Variants in CYP2A7 observed in about 807,000 individuals in gnomAD.
CYP2A7 encodes cytochrome P450 family 2 subfamily A member 7, also known as cytochrome P450 2A7.
CYP2A7 carries 36 observed loss-of-function variants against 42.0 expected under a neutral mutation model. The ratio of observed to expected loss-of-function variants is 0.86; its 90% CI spans 0.66 to 1.13. The LOEUF is 1.13. Ranked by LOEUF, CYP2A7 falls within the 50% of genes most tolerant of loss-of-function variation. The pLI, the probability that CYP2A7 is intolerant of heterozygous loss-of-function variation, is 0.00. For missense variants in CYP2A7, 661 were observed against 634.1 expected (o/e 1.04, Z -0.46); for synonymous variants, 260 against 249.5 (o/e 1.04, Z -0.40).
At chr19:40,876,464 G>C in intron 8 of CYP2A7, 63 bp downstream of exon 8, 7 of 1,610,210 alleles carry the variant, frequency 4.3e-6, no homozygotes, top group Non-Finnish European at 1.7e-6. Context: ...AGAGAGGGGA[G>C]GTGGGTGAGG....
chr19:40,880,090 C>G lies in CYP2A7; in HGVS notation c.648G>C (p.Thr216=), dbSNP rs776149961. The G allele has an allele frequency of 5.0e-6, 8 of 1,612,608 alleles. No individual in the cohort carries two copies. In the African/African-American group the frequency reaches 5.3e-5, roughly 11 times the overall value. ...LGIFQFTSTS[T]GQLYEMFSSV... Reference sequence around the variant, plus strand: ...CCGGGCTGCAGCCAGTTACCTGCCCCGTGGAGGTTGACGTGAACTGGAAGA... The same window carrying G: ...CCGGGCTGCAGCCAGTTACCTGCCCGGTGGAGGTTGACGTGAACTGGAAGA... The change falls in exon 4 of 9, where the codon ACG becomes ACC. Residue 216 remains threonine (T), a synonymous_variant. Transcript: ENST00000301146.
Position 40,880,406 on chromosome 19 carries a change from G to A in CYP2A7, c.493+73C>T, listed in dbSNP as rs1488988733. On this transcript the variant is annotated intron_variant, in intron 3 of 8. Coordinates refer to ENST00000301146, the MANE Select transcript of CYP2A7 (RefSeq NM_000764.3). ...TTCCCCACCTAGTCCCCATCCGCAG[G>A]CAGAACGCGCGCGGGTTCCTCGTCC... 33 of 1,574,008 alleles carry A rather than the reference G, an allele frequency of 2.1e-5. No homozygotes were observed. In the African/African-American group the frequency reaches 4.2e-4, roughly 20 times the overall value.
rs1346716305 is a variant in CYP2A7, at chr19:40,880,568, AG to A, written c.403del (p.Leu135Ter). The A allele has an allele frequency of 1.2e-6, 2 of 1,609,638 alleles. No homozygotes were observed. Among genetic ancestry groups the A allele is most frequent in the Admixed American group, 3.4e-5 (2 of 59,554 alleles). On this transcript the variant is annotated frameshift_variant, in exon 3 of 9. Coordinates refer to ENST00000301146, the MANE Select transcript of CYP2A7 (RefSeq NM_000764.3). LOFTEE classifies it high-confidence loss of function. ...TCGCTTGCCCACCCCGAAGTCCCTC[AG>A]GGTGGCGATGGCAAAGCGCAGGAGC... ...KQLLRFAIATLRDFGVGKRGI... is the reference protein window; with the variant it reads ...KQLLRFAIATXRDFGVGKRGI...
rs879727705 is a variant in CYP2A7, at chr19:40,878,238, G to GT, written c.832-246dup. On this transcript the variant is annotated intron_variant, in intron 5 of 8. Transcript: ENST00000301146. Reference sequence around the variant, plus strand: ...CCTTTAATTATCAACTTAGCTGTCAGTTTTTTTTTTCTTACACTGACTTGG... The same window carrying GT: ...CCTTTAATTATCAACTTAGCTGTCAGTTTTTTTTTTTCTTACACTGACTTGG... Among the ~76,000 whole-genome samples the GT allele has an allele frequency of 8.4e-3, 1,256 of 149,376 alleles. 25 individuals are homozygous for GT. Among genetic ancestry groups the GT allele is most frequent in the African/African-American group, 0.028 (1,150 of 40,922 alleles).
Position 40,880,496 on chromosome 19 carries a change from G to C in CYP2A7, c.476C>G (p.Ala159Gly), listed in dbSNP as rs1346216233. The C allele has an allele frequency of 2.5e-6, 4 of 1,612,630 alleles. No homozygotes were observed. In the South Asian group the frequency reaches 3.3e-5, roughly 13 times the overall value. ...IQEESGFLIE[A>G]IRSTHGANID... ...TTACTCACCGTGCGTGCTCCGGATG[G>C]CCTCGATGAGGAAGCCCGACTCCTC... Residue 159 changes from alanine (A) to glycine (G), a missense_variant, in exon 3 of 9, where the codon GCC becomes GGC. By Grantham distance (60) the Ala-to-Gly change is moderately conservative. This residue lies in a region of CYP2A7 where 614 missense variants were observed against 552.4 expected (regional missense o/e 1.11). Transcript: ENST00000301146.
At chr19:40,877,644 A>G (rs1364612864) in intron 6 of CYP2A7, among the ~76,000 whole-genome samples, 2 of 151,516 alleles carry the variant, frequency 1.3e-5, no homozygotes, top group Non-Finnish European at 3.0e-5. Context: ...CTTGGGACAG[A>G]AGTGACTGAC....
In CYP2A7 at chr19:40,878,043, G is replaced by A. The variant is rs759725059; in HGVS notation, c.832-50C>T. 1.8e-5 allele frequency: 29 copies of A among 1,574,192 alleles called. 2 individuals carry two copies. Among genetic ancestry groups the A allele is most frequent in the Non-Finnish European group, 2.2e-5 (25 of 1,157,822 alleles). On this transcript the variant is annotated intron_variant, in intron 5 of 8. Coordinates refer to ENST00000301146, the MANE Select transcript of CYP2A7 (RefSeq NM_000764.3). ...CAACCTCACTCCTCTTGCCCTCAGG[G>A]CCCTTCTAGGGCTTTTCCTTTGGAT...
At chr19:40,880,883 A>G (rs1355672514) in intron 2 of CYP2A7, among the ~76,000 whole-genome samples, 1 of 147,766 alleles carries the variant, frequency 6.8e-6, no homozygotes, top group Non-Finnish European at 1.5e-5. Flanking sequence ...AGAATAAGAG[A>G]ATCAGAAGAG....
At position 40,875,609 on chromosome 19, in the gene CYP2A7, T is replaced by C. The variant is rs1272129518; in HGVS notation, c.*84A>G. 46 of 1,600,920 alleles carry C rather than the reference T, an allele frequency of 2.9e-5. 1 individual carries two copies. Among genetic ancestry groups the C allele is most frequent in the Non-Finnish European group, 3.8e-5 (45 of 1,171,572 alleles). On this transcript the variant is annotated 3_prime_UTR_variant, in exon 9 of 9. Coordinates refer to ENST00000301146, the MANE Select transcript of CYP2A7 (RefSeq NM_000764.3). ...CTTTCCCGCATCTTCCCCCCATTCT[T>C]ATACCCGCCTCTTCCGCGAACCCCG... is the stretch of plus-strand genomic sequence containing the variant.
chr19:40,880,798 G>GCACGA lies in CYP2A7; in HGVS notation c.344-171_344-170insTCGTG, dbSNP rs1568527904. 3.3e-4 allele frequency among the ~76,000 whole-genome samples: 9 copies of GCACGA among 27,420 alleles called. 2 individuals are homozygous for GCACGA. Among genetic ancestry groups the GCACGA allele is most frequent in the Non-Finnish European group, 5.5e-4 (8 of 14,600 alleles). 18.0% of individuals were successfully genotyped at this position (27,420 alleles called of 152,430 possible). A position where few individuals can be genotyped will look rare whatever the true frequency, so the allele number is the denominator to read the frequency against. ...GCAAACTCAGTCAGAGAAACACGAG[G>GCACGA]GAGAGAGAGAGAGAGAGAGAGAGAG... On this transcript the variant is annotated intron_variant, in intron 2 of 8. Transcript: ENST00000301146.
At chr19:40,880,416 C>G in intron 3 of CYP2A7, 63 bp downstream of exon 3, 1 of 1,581,930 alleles carries the variant, frequency 6.3e-7, no homozygotes, top group Non-Finnish European at 8.6e-7. Context: ...GCAGAACGCG[C>G]GCGGGTTCCT....
rs1236059803 is a variant in CYP2A7 at position 40,880,511 on chromosome 19, C to T, written c.461G>A (p.Gly154Asp). 3.1e-6 allele frequency: 5 copies of T among 1,612,348 alleles called. No homozygotes were observed. The highest frequency in any genetic ancestry group is 4.2e-6 in the Non-Finnish European group (5 of 1,178,994). The change falls in exon 3 of 9, where the codon GGC becomes GAC. Residue 154 changes from glycine (G) to aspartate (D), a missense_variant. Physicochemically the swap from Gly to Asp is moderately conservative, Grantham distance 94. Around this residue, in one of 3 missense-constraint regions of CYP2A7, gnomAD observed 614 missense variants for 552.4 expected, o/e 1.11. Coordinates refer to ENST00000301146, the MANE Select transcript of CYP2A7 (RefSeq NM_000764.3). ...GIEERIQEESGFLIEAIRSTH... is the reference protein window; with the variant it reads ...GIEERIQEESDFLIEAIRSTH... ...GCTCCGGATGGCCTCGATGAGGAAG[C>T]CCGACTCCTCCTGGATGCGCTCCTC...
At chr19:40,879,793 T>G (rs560689819) in intron 4 of CYP2A7, among the ~76,000 whole-genome samples, 1 of 150,890 alleles carries the variant, frequency 6.6e-6, no homozygotes, top group Admixed American at 6.6e-5. Context: ...GTAGGGAGCA[T>G]CTGTTAGAAA....
intron 4 of CYP2A7, 107 bp from the exon 5 acceptor site, chr19:40,879,043 T>A (rs1967600295): frequency 6.8e-7 from 1 of 1,465,550 alleles, no homozygotes; most frequent in African/African-American, 1.4e-5. Flanking sequence ...GTTAAAGGCA[T>A]CTGTCTCATT....
chr19:40,877,172 G>T lies in CYP2A7; in HGVS notation c.1161+18C>A, dbSNP rs1967552441. ...GGGCTGGAAGTCCCCGTAGTCTAGGGGGTGGGGAGGATAGCACCTTAGGGA... is the reference window on the plus strand; with the variant it reads ...GGGCTGGAAGTCCCCGTAGTCTAGGTGGTGGGGAGGATAGCACCTTAGGGA... On this transcript the variant is annotated intron_variant, in intron 7 of 8. Coordinates refer to ENST00000301146, the MANE Select transcript of CYP2A7 (RefSeq NM_000764.3). The T allele has an allele frequency of 1.9e-6, 3 of 1,611,306 alleles. No homozygotes were observed. The highest frequency in any genetic ancestry group is 1.7e-6 in the Non-Finnish European group (2 of 1,177,936).
intron 7 of CYP2A7, 181 bp from the exon 8 acceptor site, chr19:40,876,849 T>C: frequency 1.1e-6 from 1 of 885,646 alleles, no homozygotes; most frequent in South Asian, 1.8e-5. Flanking sequence ...AAACAGGAAG[T>C]TTGGGAGACA....
Position 40,877,246 on chromosome 19 carries a change from T to G in CYP2A7, c.1105A>C (p.Ser369Arg). 1 of 1,612,676 alleles carries G rather than the reference T, an allele frequency of 6.2e-7. No individual in the cohort carries two copies. Among genetic ancestry groups the G allele is most frequent in the Non-Finnish European group, 8.5e-7 (1 of 1,179,168 alleles). ...IQRFGDVIPM[S>R]LARRVKKDTK... ...TCCTTTTTAACCCTGCGGGCCAAAC[T>G]CATGGGGATCACGTCTCCAAATCTT... The change falls in exon 7 of 9, where the codon AGT becomes CGT. Residue 369 changes from serine (S) to arginine (R), a missense_variant. Around this residue, in one of 3 missense-constraint regions of CYP2A7, gnomAD observed 614 missense variants for 552.4 expected, o/e 1.11. Coordinates refer to ENST00000301146, the MANE Select transcript of CYP2A7 (RefSeq NM_000764.3).
rs774855634 is a variant in CYP2A7 at position 40,880,664 on chromosome 19, G to T, written c.344-36C>A. 5.0e-6 allele frequency: 8 copies of T among 1,588,060 alleles called. 1 individual carries two copies. The highest frequency in any genetic ancestry group is 6.9e-6 in the Non-Finnish European group (8 of 1,165,316). On this transcript the variant is annotated intron_variant, in intron 2 of 8. Transcript: ENST00000301146. ...CAAGGCGGGGGTGGAGAGAGGTCAG[G>T]GGGCGGCGGTGGCAGGAGCGGACCA...
At position 40,880,557 on chromosome 19, in the gene CYP2A7, C is replaced by A; in HGVS notation, c.415G>T (p.Gly139Trp). ...RFAIATLRDF[G>W]VGKRGIEERI... ...TCCTCGATGCCTCGCTTGCCCACCC[C>A]GAAGTCCCTCAGGGTGGCGATGGCA... Residue 139 changes from glycine to tryptophan, a missense_variant, in exon 3 of 9, where the codon GGG (glycine) becomes TGG (tryptophan). Physicochemically the swap from Gly to Trp is radical, Grantham distance 184 (BLOSUM62 -2). This residue lies in a region of CYP2A7 where 614 missense variants were observed against 552.4 expected (regional missense o/e 1.11). Transcript: ENST00000301146. 4 of 1,611,418 alleles carry A rather than the reference C, an allele frequency of 2.5e-6. No homozygotes were observed. The highest frequency in any genetic ancestry group is 1.7e-6 in the Non-Finnish European group (2 of 1,178,502).
Sources: allele counts gnomAD v4.1 joint callset (sites outside exome capture counted in the v4.1 genomes callset), GRCh38; gene constraint gnomAD v4.1.1; regional missense constraint gnomAD v4.1.1; transcripts MANE v1.5; gene names NCBI Gene and HGNC (gene_info 2026-07-23, HGNC 2026-07-21).